The following COPG2 variants were observed in gnomAD, a reference collection of about 807,000 sequenced individuals.
COPG2 encodes the protein coatomer subunit gamma-2.
COPG2 carries 37 observed loss-of-function variants against 46.3 expected under a neutral mutation model. That is an observed-to-expected ratio of 0.80 (90% CI 0.61 to 1.05). The LOEUF (loss-of-function observed/expected upper bound fraction) is 1.05, where lower values mean the gene tolerates loss of function less well. COPG2 is among the 50% of genes least tolerant of loss of function. COPG2 has a pLI of 0.00. For missense variants in COPG2, 427 were observed against 387.8 expected (o/e 1.10, Z -0.85); for synonymous variants, 159 against 129.7 (o/e 1.23, Z -1.53).
intron 12 of COPG2, among the ~76,000 whole-genome samples, chr7:130,559,530 C>T (rs1793684498): frequency 6.6e-6 from 1 of 152,166 alleles, no homozygotes; most frequent in Admixed American, 6.5e-5. Flanking sequence ...GACTGACTGA[C>T]TATGTGTCCA....
chr7:130,551,893 T>G (rs1793538548), intron 15 of COPG2, among the ~76,000 whole-genome samples: 1 of 152,214 alleles, frequency 6.6e-6, no homozygotes, highest in South Asian at 2.1e-4. Flanking sequence ...TATTTTTAAC[T>G]CTGCATAGTG....
intron 20 of COPG2, among the ~76,000 whole-genome samples, chr7:130,525,603 GCTT>G (rs1799765782): frequency 6.6e-6 from 1 of 152,198 alleles, no homozygotes; most frequent in East Asian, 1.9e-4. Flanking sequence ...CTGAATCTGA[GCTT>G]CTGCTGTCAC....
chr7:130,541,520 G>A (rs922942283), intron 20 of COPG2, among the ~76,000 whole-genome samples: 1 of 152,098 alleles, frequency 6.6e-6, no homozygotes, highest in African/African-American at 2.4e-5. Context: ...TGTATGGGGT[G>A]GGAGATGAGG....
intron 5 of COPG2, among the ~76,000 whole-genome samples, chr7:130,643,632 A>T (rs1795534395): frequency 1.3e-5 from 2 of 152,184 alleles, no homozygotes; most frequent in Admixed American, 6.5e-5. Context: ...AGATAAAAGA[A>T]GGGAATGGGA....
intron 5 of COPG2, among the ~76,000 whole-genome samples, chr7:130,635,324 T>C (rs1554455934): frequency 6.6e-6 from 1 of 152,142 alleles, no homozygotes; most frequent in African/African-American, 2.4e-5. Context: ...AATTCGGCTG[T>C]GAACCTGTCT....
rs190507399 is a variant in COPG2 at position 130,648,617 on chromosome 7, T to C, written c.323+4252A>G. ...ACAAGGACGGGACTGCCGTAGGATA[T>C]AGTTACAGATATTCCCATTCAAAAT... On this transcript the variant is annotated intron_variant, in intron 5 of 23. Coordinates refer to ENST00000425248, the MANE Select transcript of COPG2 (RefSeq NM_012133.6). 2.6e-4 allele frequency among the ~76,000 whole-genome samples: 40 copies of C among 152,318 alleles called. 1 individual carries two copies. The highest frequency in any genetic ancestry group is 1.8e-4 in the Non-Finnish European group (12 of 68,026).
intron 1 of COPG2, among the ~76,000 whole-genome samples, chr7:130,668,227 G>A (rs1005182829): frequency 1.3e-5 from 2 of 152,142 alleles, no homozygotes; most frequent in African/African-American, 4.8e-5. Context: ...CACACACCCT[G>A]TGCCGTCGAC....
At chr7:130,666,733 T>C (rs1293371321) in intron 3 of COPG2, 116 bp downstream of exon 3, 1 of 619,864 alleles carries the variant, frequency 1.6e-6, no homozygotes, top group Non-Finnish European at 2.8e-6. Flanking sequence ...ACGTTGTATA[T>C]GTTAAAATTA....
intron 20 of COPG2, among the ~76,000 whole-genome samples, chr7:130,513,271 A>G (rs1316498230): frequency 7.3e-6 from 1 of 137,052 alleles, no homozygotes; most frequent in African/African-American, 2.7e-5. Flanking sequence ...CTGGGTGACA[A>G]GAGTGAAATA....
rs117910782 is a variant in COPG2, at chr7:130,644,044, G to A, written c.323+8825C>T. On this transcript the variant is annotated intron_variant, in intron 5 of 23. Coordinates refer to ENST00000425248, the MANE Select transcript of COPG2 (RefSeq NM_012133.6). ...AGCCAAAAACAACTTTGGCAGTTTG[G>A]TTAGAGGAAAAAGTCTCTCTCCGAT... is the stretch of plus-strand genomic sequence containing the variant. Among the ~76,000 whole-genome samples the A allele has an allele frequency of 3.2e-4, 49 of 152,292 alleles. 1 individual carries two copies. In the East Asian group the frequency reaches 8.1e-3, roughly 25 times the overall value.
At chr7:130,578,043 C>A (rs1272902838) in intron 9 of COPG2, among the ~76,000 whole-genome samples, 5 of 152,262 alleles carry the variant, frequency 3.3e-5, no homozygotes, top group African/African-American at 7.2e-5. Flanking sequence ...CCTCTGGGGG[C>A]AGAGCACAGA....
At chr7:130,636,772 T>C (rs1208403814) in intron 5 of COPG2, among the ~76,000 whole-genome samples, 1 of 152,170 alleles carries the variant, frequency 6.6e-6, no homozygotes, top group Admixed American at 6.5e-5. Flanking sequence ...ATTATGATGC[T>C]AGCTGGCTAT....
chr7:130,546,003 G>C (rs1793436928), intron 20 of COPG2, among the ~76,000 whole-genome samples: 1 of 152,152 alleles, frequency 6.6e-6, no homozygotes, highest in Non-Finnish European at 1.5e-5. Flanking sequence ...TTATTAGTTA[G>C]CAAAATGAAC....
chr7:130,585,652 T>C, intron 9 of COPG2, among the ~76,000 whole-genome samples: 1 of 151,970 alleles, frequency 6.6e-6, no homozygotes, highest in Non-Finnish European at 1.5e-5. Context: ...AAAAGTGGGC[T>C]AAGGAACTGA....
intron 5 of COPG2, among the ~76,000 whole-genome samples, chr7:130,641,930 C>T (rs1795497996): frequency 6.6e-6 from 1 of 152,158 alleles, no homozygotes; most frequent in South Asian, 2.1e-4. Flanking sequence ...TCTTCCTAAA[C>T]CATGGTCTTT....
intron 11 of COPG2, among the ~76,000 whole-genome samples, chr7:130,561,735 G>T (rs2116402409): frequency 6.6e-6 from 1 of 152,174 alleles, no homozygotes; most frequent in Non-Finnish European, 1.5e-5. Flanking sequence ...CCCAATATTG[G>T]TATGGAATCC....
intron 20 of COPG2, among the ~76,000 whole-genome samples, chr7:130,512,052 TAAAAAAAAAAA>T (rs1182017221): frequency 1.0e-5 from 1 of 99,156 alleles, no homozygotes; most frequent in Admixed American, 1.1e-4. Flanking sequence ...CTGTGTCTTC[TAAAAAAAAAAA>T]AAAAAAAAAA....
intron 9 of COPG2, among the ~76,000 whole-genome samples, chr7:130,566,981 A>G (rs1345691101): frequency 6.6e-6 from 1 of 152,218 alleles, no homozygotes; most frequent in Non-Finnish European, 1.5e-5. Context: ...TAGCAAAGAC[A>G]TGGAATCAAC....
At chr7:130,604,729 A>G (rs782102174) in intron 9 of COPG2, 1 of 517,750 alleles carries the variant, frequency 1.9e-6, no homozygotes, top group Non-Finnish European at 3.9e-6. Flanking sequence ...AATAGCAGGC[A>G]TTTTTGTCTG....
Sources: allele counts gnomAD v4.1 joint callset (sites outside exome capture counted in the v4.1 genomes callset), GRCh38; gene constraint gnomAD v4.1.1; transcripts MANE v1.5; gene names NCBI Gene and HGNC (gene_info 2026-07-23, HGNC 2026-07-21).